The following ACOXL variants were observed in gnomAD, a reference collection of about 807,000 sequenced individuals.
ACOXL encodes acyl-CoA oxidase like.
In ACOXL, 70 loss-of-function variants were observed where a neutral mutation model predicts 71.9. The ratio of observed to expected loss-of-function variants is 0.97; its 90% CI spans 0.80 to 1.19. The LOEUF is 1.19. Among genes scored for constraint, ACOXL ranks in the 50% most tolerant of loss-of-function variants. The probability of loss-of-function intolerance (pLI) is 0.00; values close to 1 mark genes in which losing one functional copy is unlikely to be tolerated. For missense variants in ACOXL, 703 were observed against 736.3 expected, an observed-to-expected ratio of 0.95 and a Z score of 0.52; for synonymous variants, 253 against 281.6, an observed-to-expected ratio of 0.90 and a Z score of 1.02.
intron 1 of ACOXL, among the ~76,000 whole-genome samples, chr2:110,755,844 A>C (rs918574425): frequency 3.3e-5 from 5 of 152,026 alleles, no homozygotes; most frequent in Non-Finnish European, 5.9e-5. Flanking sequence ...GAATTTTCCC[A>C]CCTCCACCCC....
intron 3 of ACOXL, among the ~76,000 whole-genome samples, chr2:110,788,697 TCCCAC>T (rs2105214597): frequency 6.6e-6 from 1 of 152,348 alleles, no homozygotes; most frequent in African/African-American, 2.4e-5. Flanking sequence ...AACTATGCTG[TCCCAC>T]ACATCAGTAA....
intron 10 of ACOXL, among the ~76,000 whole-genome samples, chr2:110,876,461 G>C (rs1695917904): frequency 6.6e-6 from 1 of 152,208 alleles, no homozygotes; most frequent in Admixed American, 6.5e-5. Flanking sequence ...CCCTCTGGGA[G>C]GGAGGGAGCA....
chr2:110,761,449 C>T (rs1218218332), intron 1 of ACOXL, among the ~76,000 whole-genome samples: 1 of 152,206 alleles, frequency 6.6e-6, no homozygotes, highest in Non-Finnish European at 1.5e-5. Context: ...ATGCTTTCTC[C>T]TTAGGAATAC....
intron 10 of ACOXL, among the ~76,000 whole-genome samples, chr2:110,880,696 C>T (rs1322127765): frequency 2.0e-5 from 3 of 152,154 alleles, no homozygotes; most frequent in Non-Finnish European, 4.4e-5. Flanking sequence ...GTCTGTAATC[C>T]CAGCACTTTG....
intron 11 of ACOXL, among the ~76,000 whole-genome samples, chr2:110,921,901 G>A (rs934458741): frequency 4.6e-5 from 7 of 152,078 alleles, no homozygotes; most frequent in African/African-American, 1.7e-4. Flanking sequence ...ATTTATAACT[G>A]CTGTCATGGT....
intron 2 of ACOXL, among the ~76,000 whole-genome samples, chr2:110,769,604 C>T (rs1477712289): frequency 1.3e-5 from 2 of 151,826 alleles, no homozygotes; most frequent in African/African-American, 4.8e-5. Context: ...CTGGCCTCAA[C>T]ATGGCGAAAC....
At chr2:110,905,530 G>A (rs1213313112) in intron 10 of ACOXL, among the ~76,000 whole-genome samples, 1 of 151,806 alleles carries the variant, frequency 6.6e-6, no homozygotes, top group African/African-American at 2.4e-5. Flanking sequence ...CACATAGAAT[G>A]TCTGTGCTTG....
chr2:110,915,422 A>T (rs1294141846), intron 11 of ACOXL, among the ~76,000 whole-genome samples: 2,380 of 126,504 alleles, frequency 0.019, 124 homozygotes, highest in African/African-American at 0.077. Context: ...ATATATATAT[A>T]TATATATTTT....
chr2:110,942,047 G>T (rs947451998), intron 12 of ACOXL, among the ~76,000 whole-genome samples: 7 of 141,038 alleles, frequency 5.0e-5, no homozygotes, highest in African/African-American at 1.8e-4. Context: ...CAGGAGAGAA[G>T]AAAAGAAAGT....
In ACOXL at chr2:110,993,167, G is replaced by A. The variant is rs75110440; in HGVS notation, c.1170-2726G>A. ...ATAGTTCTTCTTATGTTGAATTTACGTACAATAAAATGCACAAATCTTAAG... is the reference window on the plus strand; with the variant it reads ...ATAGTTCTTCTTATGTTGAATTTACATACAATAAAATGCACAAATCTTAAG... On this transcript the variant is annotated intron_variant, in intron 13 of 17. Coordinates refer to ENST00000439055, the MANE Select transcript of ACOXL (RefSeq NM_001142807.4). 9.5e-4 allele frequency among the ~76,000 whole-genome samples: 144 copies of A among 152,242 alleles called. 2 individuals carry two copies. Among genetic ancestry groups the A allele is most frequent in the African/African-American group, 3.1e-3 (127 of 41,532 alleles).
chr2:110,815,302 A>T (rs1266621639), intron 9 of ACOXL, among the ~76,000 whole-genome samples: 2 of 152,230 alleles, frequency 1.3e-5, no homozygotes, highest in African/African-American at 4.8e-5. Context: ...ATAATTCAAG[A>T]TGAGATTTGG....
intron 4 of ACOXL, 94 bp downstream of exon 4, chr2:110,793,830 A>T: frequency 9.0e-7 from 1 of 1,114,076 alleles, no homozygotes; most frequent in Non-Finnish European, 1.3e-6. Flanking sequence ...GAAGAAAAAT[A>T]AAATAAAACA....
intron 14 of ACOXL, among the ~76,000 whole-genome samples, chr2:111,004,293 T>G (rs1171676811): frequency 8.6e-6 from 1 of 116,342 alleles, no homozygotes; most frequent in African/African-American, 3.6e-5. Flanking sequence ...AAAAGCACAT[T>G]TTTACTTTAG....
At chr2:110,764,847 A>T (rs1446928466) in intron 1 of ACOXL, among the ~76,000 whole-genome samples, 3 of 152,204 alleles carry the variant, frequency 2.0e-5, no homozygotes, top group Admixed American at 6.5e-5. Context: ...TAAGTAATCT[A>T]GTCTACTATA....
chr2:111,034,690 C>T (rs753110558), intron 15 of ACOXL, among the ~76,000 whole-genome samples: 3 of 152,156 alleles, frequency 2.0e-5, no homozygotes, highest in Non-Finnish European at 4.4e-5. Flanking sequence ...CTGTACAGAA[C>T]GGGTCCTAAA....
chr2:110,940,054 A>AT (rs2060810946), intron 12 of ACOXL, among the ~76,000 whole-genome samples: 1 of 152,238 alleles, frequency 6.6e-6, no homozygotes, highest in Admixed American at 6.5e-5. Flanking sequence ...TCCTTTACAA[A>AT]TCTTTACAAC....
intron 15 of ACOXL, among the ~76,000 whole-genome samples, chr2:111,038,705 A>G (rs1249957548): frequency 6.6e-6 from 1 of 152,248 alleles, no homozygotes; most frequent in Non-Finnish European, 1.5e-5. Context: ...TTGATTTATC[A>G]TACACACTCT....
intron 1 of ACOXL, among the ~76,000 whole-genome samples, chr2:110,734,197 T>C (rs1676550122): frequency 6.6e-6 from 1 of 152,326 alleles, no homozygotes; most frequent in Admixed American, 6.5e-5. Flanking sequence ...ATTTGAAAAC[T>C]TTTCTGTTTT....
At chr2:111,082,704 A>G (rs1198339615) in intron 16 of ACOXL, among the ~76,000 whole-genome samples, 1 of 152,204 alleles carries the variant, frequency 6.6e-6, no homozygotes, top group Non-Finnish European at 1.5e-5. Flanking sequence ...AAAGGATTAT[A>G]AATCATGCTA....
Sources: gnomAD v4.1 joint callset for allele counts (sites outside exome capture counted in the v4.1 genomes callset) on GRCh38, gnomAD v4.1.1 for gene constraint, MANE v1.5 for transcripts, NCBI Gene and HGNC (gene_info 2026-07-23, HGNC 2026-07-21) for gene names.